Variants in ENOX1 observed in about 807,000 individuals in gnomAD.
ENOX1 encodes the protein ecto-NOX disulfide-thiol exchanger 1.
Under a neutral mutation model 82.5 loss-of-function variants are expected in ENOX1, and 42 were observed. The ratio of observed to expected loss-of-function variants is 0.51; its 90% CI spans 0.40 to 0.66. ENOX1 has a LOEUF of 0.66. Ranked by LOEUF, ENOX1 falls within the 30% of genes least tolerant of loss-of-function variation. The pLI is 0.00. For missense variants in ENOX1, 608 were observed against 811.6 expected (o/e 0.75, Z 3.05); for synonymous variants, 271 against 282.2 (o/e 0.96, Z 0.40).
At chr13:43,225,281 G>C (rs1254467942) in intron 15 of ENOX1, among the ~76,000 whole-genome samples, 1 of 152,180 alleles carries the variant, frequency 6.6e-6, no homozygotes, top group Non-Finnish European at 1.5e-5. Context: ...AGAGGGATGA[G>C]GGAAAGGGCT....
intron 3 of ENOX1, among the ~76,000 whole-genome samples, chr13:43,445,162 T>C (rs1441025406): frequency 4.6e-5 from 7 of 151,684 alleles, no homozygotes; most frequent in African/African-American, 7.3e-5. Context: ...CTTGCTTTGT[T>C]GCCCAGGCTG....
rs1298870083 is a variant in ENOX1 at position 43,214,133 on chromosome 13, G to A, written c.1801-12C>T. 1 of 1,610,970 alleles carries A rather than the reference G, an allele frequency of 6.2e-7. No homozygotes were observed. Among genetic ancestry groups the A allele is most frequent in the Non-Finnish European group, 8.5e-7 (1 of 1,178,294 alleles). ...TCATTTGCAGATATCTGTTAGAAAG[G>A]AAGGAAAGTCACTTTGGGGAAAGGA... On this transcript the variant is annotated splice_polypyrimidine_tract_variant and intron_variant, in intron 16 of 16. Transcript: ENST00000690772.
At chr13:43,218,499 C>T (rs1661840524) in intron 16 of ENOX1, among the ~76,000 whole-genome samples, 1 of 152,064 alleles carries the variant, frequency 6.6e-6, no homozygotes, top group Admixed American at 6.6e-5. Context: ...GGTGGCATGT[C>T]CCTGTGGTCC....
intron 2 of ENOX1, among the ~76,000 whole-genome samples, chr13:43,592,957 T>C (rs1022138057): frequency 6.6e-6 from 1 of 152,264 alleles, no homozygotes; most frequent in Non-Finnish European, 1.5e-5. Flanking sequence ...AGGTTTTACT[T>C]AATATTCTGC....
At chr13:43,377,051 T>C (rs141778192) in intron 5 of ENOX1, among the ~76,000 whole-genome samples, 33 of 152,292 alleles carry the variant, frequency 2.2e-4, no homozygotes, top group East Asian at 7.7e-4. Flanking sequence ...GTCCCTGCTA[T>C]AGTCTGTATT....
chr13:43,221,897 A>G (rs1322608579), intron 16 of ENOX1, among the ~76,000 whole-genome samples: 1 of 152,140 alleles, frequency 6.6e-6, no homozygotes, highest in Non-Finnish European at 1.5e-5. Flanking sequence ...CTCTGGATTA[A>G]AAAGTCTAAA....
At chr13:43,627,143 T>G (rs1358830162) in intron 2 of ENOX1, among the ~76,000 whole-genome samples, 2 of 152,082 alleles carry the variant, frequency 1.3e-5, no homozygotes, top group Non-Finnish European at 2.9e-5. Flanking sequence ...ATATCTTTTC[T>G]GCCCTTTTAT....
intron 5 of ENOX1, among the ~76,000 whole-genome samples, chr13:43,374,951 T>C (rs1385938024): frequency 6.6e-6 from 1 of 152,208 alleles, no homozygotes; most frequent in Non-Finnish European, 1.5e-5. Context: ...TTTAGCTGAA[T>C]GTCAAGTTCA....
At chr13:43,502,923 A>G (rs1439644633) in intron 2 of ENOX1, among the ~76,000 whole-genome samples, 1 of 151,542 alleles carries the variant, frequency 6.6e-6, no homozygotes, top group Non-Finnish European at 1.5e-5. Context: ...AAGAAAAAAT[A>G]AAATAATCTG....
At chr13:43,756,432 C>A (rs1363819998) in intron 1 of ENOX1, among the ~76,000 whole-genome samples, 2 of 136,508 alleles carry the variant, frequency 1.5e-5, no homozygotes, top group African/African-American at 5.4e-5. Flanking sequence ...GACCCTGTCA[C>A]AAGGAGAGAA....
At chr13:43,642,100 G>A (rs2083681407) in intron 2 of ENOX1, among the ~76,000 whole-genome samples, 1 of 152,092 alleles carries the variant, frequency 6.6e-6, no homozygotes, top group Non-Finnish European at 1.5e-5. Flanking sequence ...TTTGAAAGTT[G>A]CTTAATAACT....
chr13:43,723,772 TAC>T (rs147314757), intron 1 of ENOX1, among the ~76,000 whole-genome samples: 104 of 148,542 alleles, frequency 7.0e-4, no homozygotes, highest in Non-Finnish European at 9.4e-4. Context: ...TGCCTGAATC[TAC>T]ACACACACAC....
At chr13:43,352,035 A>T (rs929865207) in intron 8 of ENOX1, among the ~76,000 whole-genome samples, 1 of 152,194 alleles carries the variant, frequency 6.6e-6, no homozygotes, top group Non-Finnish European at 1.5e-5. Flanking sequence ...GGCTCATAAC[A>T]TTATTGATTT....
chr13:43,612,482 G>T (rs2082238499), intron 2 of ENOX1, among the ~76,000 whole-genome samples: 1 of 152,058 alleles, frequency 6.6e-6, no homozygotes, highest in African/African-American at 2.4e-5. Flanking sequence ...CTTTGTTGGT[G>T]CCTACTTGTC....
chr13:43,504,706 A>C (rs1468581664), intron 2 of ENOX1, among the ~76,000 whole-genome samples: 1 of 151,650 alleles, frequency 6.6e-6, no homozygotes, highest in East Asian at 1.9e-4. Flanking sequence ...AAAAATGTTC[A>C]GTTATAAAAG....
chr13:43,528,879 C>A (rs1404482891), intron 2 of ENOX1, among the ~76,000 whole-genome samples: 1 of 151,938 alleles, frequency 6.6e-6, no homozygotes, highest in Non-Finnish European at 1.5e-5. Context: ...GTGATTGACC[C>A]ACTTAATCTG....
chr13:43,784,607 T>G (rs1952462845), intron 1 of ENOX1, among the ~76,000 whole-genome samples: 1 of 152,210 alleles, frequency 6.6e-6, no homozygotes, highest in Non-Finnish European at 1.5e-5. Context: ...TTTATTCATC[T>G]TAAAAATAAT....
chr13:43,440,820 C>T (rs2056319228), intron 3 of ENOX1, among the ~76,000 whole-genome samples: 1 of 152,088 alleles, frequency 6.6e-6, no homozygotes, highest in Admixed American at 6.5e-5. Context: ...TACAAGAATA[C>T]TATGTTTTGA....
intron 2 of ENOX1, chr13:43,609,965 A>G: frequency 1.1e-6 from 1 of 929,672 alleles, no homozygotes; most frequent in Non-Finnish European, 1.3e-6. Flanking sequence ...AAACATTTTT[A>G]GAGTTGTTTT....
Sources: gnomAD v4.1 joint callset for allele counts (sites outside exome capture counted in the v4.1 genomes callset) on GRCh38, gnomAD v4.1.1 for gene constraint, MANE v1.5 for transcripts, NCBI Gene and HGNC (gene_info 2026-07-23, HGNC 2026-07-21) for gene names.